MOSMO: variants seen among roughly 807,000 people sequenced by gnomAD.
MOSMO encodes the protein modulator of smoothened protein.
MOSMO carries 5 observed loss-of-function variants against 18.4 expected under a neutral mutation model. That is an observed-to-expected ratio of 0.27 (90% confidence interval 0.14 to 0.57). The LOEUF is 0.57. MOSMO is among the 20% of genes least tolerant of loss of function. The probability of loss-of-function intolerance (pLI) is 0.92; values close to 1 mark genes in which losing one functional copy is unlikely to be tolerated. For missense variants in MOSMO, 138 were observed against 211.8 expected (o/e 0.65, Z 2.16); for synonymous variants, 82 against 82.3 (o/e 1.00, Z 0.02).
intron 1 of MOSMO, among the ~76,000 whole-genome samples, chr16:22,025,935 AC>A (rs1899866686): frequency 6.6e-6 from 1 of 152,200 alleles, no homozygotes; most frequent in Non-Finnish European, 1.5e-5. Flanking sequence ...TATTAGAACC[AC>A]ATTTTCAAGA....
At chr16:22,064,304 A>G (rs1165219752) in intron 1 of MOSMO, 8 of 456,298 alleles carry the variant, frequency 1.8e-5, no homozygotes, top group Admixed American at 1.6e-4. Context: ...ACAAGAATTA[A>G]CCTACCAAAT....
intron 1 of MOSMO, among the ~76,000 whole-genome samples, chr16:22,065,939 C>T (rs1413155328): frequency 2.0e-5 from 3 of 152,198 alleles, no homozygotes; most frequent in Non-Finnish European, 4.4e-5. Context: ...TTTCAGAACT[C>T]TGGAAATTAA....
At chr16:22,062,074 G>A (rs1400671860) in intron 1 of MOSMO, among the ~76,000 whole-genome samples, 4 of 152,134 alleles carry the variant, frequency 2.6e-5, no homozygotes, top group Non-Finnish European at 4.4e-5. Context: ...ACTTGTCTCA[G>A]TGTTAAACTT....
rs1901124381 is a variant in MOSMO at position 22,083,806 on chromosome 16, C to T, written c.*2926C>T. On this transcript the variant is annotated 3_prime_UTR_variant, in exon 3 of 3. Coordinates refer to ENST00000542527, the MANE Select transcript of MOSMO (RefSeq NM_001164579.2). Reference sequence around the variant, plus strand: ...GCTCCTATTGAACATACCCAAACATCTGTAAACATGAAAAATCTTCAATTT... The same window carrying T: ...GCTCCTATTGAACATACCCAAACATTTGTAAACATGAAAAATCTTCAATTT... 5.2e-6 allele frequency: 2 copies of T among 386,576 alleles called. No individual in the cohort carries two copies. Among genetic ancestry groups the T allele is most frequent in the South Asian group, 3.8e-5 (2 of 53,036 alleles). 23.9% of individuals were successfully genotyped at this position (386,576 alleles called of 1,614,324 possible). A position where few individuals can be genotyped will look rare whatever the true frequency, so the allele number is the denominator to read the frequency against.
chr16:22,036,492 G>T (rs1900111874), intron 1 of MOSMO, among the ~76,000 whole-genome samples: 1 of 152,124 alleles, frequency 6.6e-6, no homozygotes, highest in Non-Finnish European at 1.5e-5. Flanking sequence ...CTGTCACTCA[G>T]GCTGGAGTGC....
At chr16:22,014,407 G>C (rs1393491592) in intron 1 of MOSMO, among the ~76,000 whole-genome samples, 1 of 152,140 alleles carries the variant, frequency 6.6e-6, no homozygotes, top group African/African-American at 2.4e-5. Context: ...ATTTTCTTCA[G>C]GTCTAAAGAT....
At chr16:22,063,851 A>C (rs1039119072) in intron 1 of MOSMO, among the ~76,000 whole-genome samples, 1 of 152,192 alleles carries the variant, frequency 6.6e-6, no homozygotes, top group African/African-American at 2.4e-5. Flanking sequence ...TTCTGATAGA[A>C]GTCTGAATGT....
intron 1 of MOSMO, among the ~76,000 whole-genome samples, chr16:22,049,165 C>T (rs1240290509): frequency 1.3e-5 from 2 of 151,912 alleles, no homozygotes; most frequent in Non-Finnish European, 2.9e-5. Flanking sequence ...TAGTTTTTGC[C>T]ACGTTAATAG....
chr16:22,043,196 G>T (rs1378764505), intron 1 of MOSMO, among the ~76,000 whole-genome samples: 1 of 152,214 alleles, frequency 6.6e-6, no homozygotes, highest in East Asian at 1.9e-4. Context: ...ACTGTCTTAG[G>T]CCATTAGGTT....
chr16:22,017,826 T>C (rs1314787141), intron 1 of MOSMO, among the ~76,000 whole-genome samples: 1 of 152,184 alleles, frequency 6.6e-6, no homozygotes, highest in Non-Finnish European at 1.5e-5. Flanking sequence ...TTGCCAAATA[T>C]GCAATGAGCA....
At chr16:22,085,304 G>C (rs1438450923), downstream of MOSMO, 1 of 152,180 alleles carries the variant, frequency 6.6e-6, no homozygotes, top group Non-Finnish European at 1.5e-5. Flanking sequence ...TGGGTTCTAA[G>C]ATTAAGGGGT....
Position 22,083,460 on chromosome 16 carries a change from A to T in MOSMO, c.*2580A>T. ...AAGTCTTCGTACTCTTGCAGACCAG[A>T]CATTGAAATGGATTCATTCATATAG... On this transcript the variant is annotated 3_prime_UTR_variant, in exon 3 of 3. Transcript: ENST00000542527. 3.5e-6 allele frequency: 1 copy of T among 282,776 alleles called. No individual in the cohort carries two copies. The highest frequency in any genetic ancestry group is 6.7e-6 in the Non-Finnish European group (1 of 149,246). The allele number at this position is 282,776 out of a possible 1,614,324, so 17.5% of individuals were successfully genotyped here. A position where few individuals can be genotyped will look rare whatever the true frequency, so the allele number is the denominator to read the frequency against.
intron 1 of MOSMO, among the ~76,000 whole-genome samples, chr16:22,028,975 G>A (rs1008556921): frequency 3.3e-5 from 5 of 152,160 alleles, no homozygotes; most frequent in African/African-American, 7.2e-5. Flanking sequence ...AGGTTCAAGC[G>A]ATTCTCCTGC....
intron 1 of MOSMO, among the ~76,000 whole-genome samples, chr16:22,072,292 C>G (rs1900870187): frequency 6.6e-6 from 1 of 152,094 alleles, no homozygotes; most frequent in African/African-American, 2.4e-5. Context: ...GCACAGTTAG[C>G]CTTGCAAATT....
chr16:22,032,644 T>G (rs1228183416), intron 1 of MOSMO, among the ~76,000 whole-genome samples: 1 of 152,162 alleles, frequency 6.6e-6, no homozygotes, highest in African/African-American at 2.4e-5. Context: ...ATTCCTGGGC[T>G]CAAGGTATCC....
intron 1 of MOSMO, among the ~76,000 whole-genome samples, chr16:22,058,534 T>A (rs540918580): frequency 1.3e-5 from 2 of 152,076 alleles, no homozygotes; most frequent in Admixed American, 1.3e-4. Flanking sequence ...TGGGTTGGGA[T>A]GTTGGACATG....
chr16:22,008,236 T>G lies in MOSMO; in HGVS notation c.-66T>G, dbSNP rs960368696. The stretch of plus-strand genomic sequence containing the variant: ...GACTCCGGGCCCCGGCGGCGGCCCA[T>G]GGGGCGGGAGGCGTGAGGCCGCTGC... On this transcript the variant is annotated 5_prime_UTR_variant, in exon 1 of 3. It removes an upstream start codon present in the reference 5' UTR. Coordinates refer to ENST00000542527, the MANE Select transcript of MOSMO (RefSeq NM_001164579.2). The G allele has an allele frequency of 5.9e-6, 5 of 853,712 alleles. No homozygotes were observed. Among genetic ancestry groups the G allele is most frequent in the Non-Finnish European group, 4.6e-6 (3 of 656,860 alleles). The allele number at this position is 853,712 out of a possible 1,614,324, so 52.9% of individuals were successfully genotyped here.
At chr16:22,011,638 A>G (rs1899530202) in intron 1 of MOSMO, among the ~76,000 whole-genome samples, 1 of 152,124 alleles carries the variant, frequency 6.6e-6, no homozygotes, top group Non-Finnish European at 1.5e-5. Context: ...TAACAGTGAC[A>G]ATGTGTGGCT....
chr16:22,066,361 A>T (rs970559579), intron 1 of MOSMO, among the ~76,000 whole-genome samples: 1 of 152,206 alleles, frequency 6.6e-6, no homozygotes, highest in Admixed American at 6.5e-5. Flanking sequence ...ATAAAGGAAA[A>T]TTTGAGGAAT....
Sources: allele counts gnomAD v4.1 joint callset (sites outside exome capture counted in the v4.1 genomes callset), GRCh38; gene constraint gnomAD v4.1.1; transcripts MANE v1.5; gene names NCBI Gene and HGNC (gene_info 2026-07-23, HGNC 2026-07-21).